Variants in ATP4B observed in about 807,000 individuals in gnomAD.
ATP4B encodes potassium-transporting ATPase subunit beta.
ATP4B carries 27 observed loss-of-function variants against 35.3 expected under a neutral mutation model. That is an observed-to-expected ratio of 0.76 (90% confidence interval 0.56 to 1.05). The LOEUF is 1.05. ATP4B is among the 50% of genes least tolerant of loss of function. The probability of loss-of-function intolerance (pLI) is 0.00; values close to 1 mark genes in which losing one functional copy is unlikely to be tolerated. For synonymous variants in ATP4B, 162 were observed against 156.0 expected (o/e 1.04, Z -0.29); for missense variants, 375 against 384.8 (o/e 0.97, Z 0.21).
Position 113,658,167 on chromosome 13 carries a change from C to A in ATP4B, c.-23G>T. On this transcript the variant is annotated 5_prime_UTR_variant, in exon 1 of 7. Transcript: ENST00000335288. ...CATCGTCCCTGGCCTGAGATCCTCC[C>A]GTCTGCTCCCTGCACCCTCTACGCC... The A allele has an allele frequency of 6.3e-7, 1 of 1,599,360 alleles. No individual in the cohort carries two copies. The highest frequency in any genetic ancestry group is 8.5e-7 in the Non-Finnish European group (1 of 1,172,128).
At chr13:113,651,159 T>C (rs1260478040) in intron 5 of ATP4B, among the ~76,000 whole-genome samples, 1 of 152,008 alleles carries the variant, frequency 6.6e-6, no homozygotes, top group African/African-American at 2.4e-5. Context: ...CCTTTGGGTG[T>C]CATGGTGGAA....
chr13:113,654,757 G>C (rs932017690), intron 2 of ATP4B, 57 bp downstream of exon 2: 2 of 1,584,252 alleles, frequency 1.3e-6, no homozygotes, highest in Admixed American at 3.5e-5. Flanking sequence ...CTCCAGAGCC[G>C]AGGAGGCGGC....
At chr13:113,656,281 C>T (rs1036606394) in intron 1 of ATP4B, among the ~76,000 whole-genome samples, 8 of 152,186 alleles carry the variant, frequency 5.3e-5, no homozygotes, top group East Asian at 1.9e-4. Context: ...GACCTACGCT[C>T]GTGACGGCAG....
chr13:113,649,191 T>G lies in ATP4B; in HGVS notation c.*183A>C, dbSNP rs780185934. 6.9e-5 allele frequency: 39 copies of G among 563,826 alleles called. No individual in the cohort carries two copies. The highest frequency in any genetic ancestry group is 1.1e-4 in the Non-Finnish European group (37 of 337,184). The allele number at this position is 563,826 out of a possible 1,614,324, so 34.9% of individuals were successfully genotyped here. A position where few individuals can be genotyped will look rare whatever the true frequency, so the allele number is the denominator to read the frequency against. On this transcript the variant is annotated 3_prime_UTR_variant, in exon 7 of 7. Transcript: ENST00000335288. This position sits in a 1 kb window ranked among gnomAD's most constrained non-coding sequence, Gnocchi z 4.7. ...CTGTAAGAATTCAACAAGGAAGAAC[T>G]GATACTCGCGAGCAGGTCCTTCAGA...
intron 1 of ATP4B, among the ~76,000 whole-genome samples, chr13:113,655,170 C>A (rs1399718638): frequency 6.6e-6 from 1 of 152,212 alleles, no homozygotes. Flanking sequence ...GTCTGGACGT[C>A]CACATAGGCA....
At position 113,650,573 on chromosome 13, in the gene ATP4B, G is replaced by A. The variant is rs557447475; in HGVS notation, c.613-66C>T. Reference sequence around the variant, plus strand: ...GTGTGTGCCGGTGTCTGTGTGTTGCGTTTGTGTGCGTGTGTGCACACACGC... The same window carrying A: ...GTGTGTGCCGGTGTCTGTGTGTTGCATTTGTGTGCGTGTGTGCACACACGC... On this transcript the variant is annotated intron_variant, in intron 5 of 6. Coordinates refer to ENST00000335288, the MANE Select transcript of ATP4B (RefSeq NM_000705.4). The surrounding 1 kb of genome is among the most constrained non-coding windows in gnomAD (Gnocchi z 5.0). 62 of 1,308,214 alleles carry A rather than the reference G, an allele frequency of 4.7e-5. No individual in the cohort carries two copies. Among genetic ancestry groups the A allele is most frequent in the Admixed American group, 1.8e-4 (9 of 50,518 alleles). 81.0% of individuals were successfully genotyped at this position (1,308,214 alleles called of 1,614,324 possible).
At position 113,649,835 on chromosome 13, in the gene ATP4B, A is replaced by G. The variant is rs1378302867; in HGVS notation, c.715-300T>C. On this transcript the variant is annotated intron_variant, in intron 6 of 6. Transcript: ENST00000335288. The surrounding 1 kb of genome is among the most constrained non-coding windows in gnomAD (Gnocchi z 4.7). The stretch of plus-strand genomic sequence containing the variant: ...ACGTGATGTGGAGGAAAGTCTTCGA[A>G]GTGGATATGCAGTTGTTTTAGAGGA... Among the ~76,000 whole-genome samples the G allele has an allele frequency of 6.6e-6, 1 of 152,192 alleles. No individual in the cohort carries two copies. Among genetic ancestry groups the G allele is most frequent in the Non-Finnish European group, 1.5e-5 (1 of 68,024 alleles).
chr13:113,654,808 G>C lies in ATP4B; in HGVS notation c.241+6C>G. The C allele has an allele frequency of 1.2e-6, 2 of 1,613,376 alleles. No individual in the cohort carries two copies. Among genetic ancestry groups the C allele is most frequent in the South Asian group, 1.1e-5 (1 of 90,940 alleles). ...ACGGCATGGGGGCAACATCCCGGGC[G>C]CTTACCTGGTGACCGTAGCTGGTCT... On this transcript the variant is annotated splice_donor_region_variant and intron_variant, in intron 2 of 6. Coordinates refer to ENST00000335288, the MANE Select transcript of ATP4B (RefSeq NM_000705.4).
intron 2 of ATP4B, among the ~76,000 whole-genome samples, 176 bp downstream of exon 2, chr13:113,654,638 C>T (rs1391734904): frequency 1.3e-5 from 2 of 152,232 alleles, no homozygotes; most frequent in African/African-American, 4.8e-5. Context: ...GGTTCAGGGG[C>T]CAGGGGCTGC....
In ATP4B at chr13:113,656,940, C is replaced by T. The variant is rs539099977; in HGVS notation, c.112+1093G>A. ...TCCCCATCCTGGCCTCCCGCTCTGC[C>T]GCCCCGCCTGGCCCAGGAGGCCCTT... On this transcript the variant is annotated intron_variant, in intron 1 of 6. Transcript: ENST00000335288. 4.0e-3 allele frequency among the ~76,000 whole-genome samples: 603 copies of T among 152,268 alleles called. 1 individual carries two copies. The highest frequency in any genetic ancestry group is 0.014 in the African/African-American group (585 of 41,564).
At position 113,649,620 on chromosome 13, in the gene ATP4B, C is replaced by T; in HGVS notation, c.715-85G>A. Reference sequence around the variant, plus strand: ...AACTAAGCAAGGAAGTGTCAACAGTCAGGTTGGTGCAGAGAAGCAGCTCTT... The same window carrying T: ...AACTAAGCAAGGAAGTGTCAACAGTTAGGTTGGTGCAGAGAAGCAGCTCTT... On this transcript the variant is annotated intron_variant, in intron 6 of 6. Transcript: ENST00000335288. This position sits in a 1 kb window ranked among gnomAD's most constrained non-coding sequence, Gnocchi z 4.7. 7.1e-7 allele frequency: 1 copy of T among 1,401,654 alleles called. No homozygotes were observed. The highest frequency in any genetic ancestry group is 9.4e-7 in the Non-Finnish European group (1 of 1,061,872). The allele number at this position is 1,401,654 out of a possible 1,614,324, so 86.8% of individuals were successfully genotyped here.
At position 113,651,694 on chromosome 13, in the gene ATP4B, G is replaced by A. The variant is rs368921019; in HGVS notation, c.589C>T (p.Pro197Ser). The change falls in exon 5 of 7, where the codon CCC becomes TCC. Residue 197 changes from proline to serine, a missense_variant. Coordinates refer to ENST00000335288, the MANE Select transcript of ATP4B (RefSeq NM_000705.4). ...VKFLPSNGSA[P>S]RVDCAFLDQP... ...ACCAGGAAGGCGCAGTCCACTCTGG[G>A]GGCCGAGCCGTTGCTGGGGAGGAAC... The A allele has an allele frequency of 6.2e-7, 1 of 1,613,684 alleles. No homozygotes were observed.
chr13:113,657,415 C>T (rs576730015), intron 1 of ATP4B, among the ~76,000 whole-genome samples: 22 of 152,354 alleles, frequency 1.4e-4, no homozygotes, highest in South Asian at 8.3e-4. Context: ...TAGACGCAGA[C>T]GCTTCCACCA....
intron 2 of ATP4B, 108 bp from the exon 3 acceptor site, chr13:113,653,542 G>A (rs1202335074): frequency 3.4e-6 from 3 of 884,692 alleles, no homozygotes; most frequent in Non-Finnish European, 5.4e-6. Context: ...CAACCCAGGA[G>A]CCTCCTCGGA....
In ATP4B at chr13:113,649,002, T is replaced by TGGG. The variant is rs113895052; in HGVS notation, c.*369_*371dup. 3.2e-3 allele frequency: 511 copies of TGGG among 161,758 alleles called. 5 individuals are homozygous for TGGG. The highest frequency in any genetic ancestry group is 0.013 in the South Asian group (83 of 6,426). 10.0% of individuals were successfully genotyped at this position (161,758 alleles called of 1,614,324 possible). Reference sequence around the variant, plus strand: ...TGCATTAGTAGTTTTTATATTAATGTGGGGGGGGCAGTTCATATTGAAGTG... The same window carrying TGGG: ...TGCATTAGTAGTTTTTATATTAATGTGGGGGGGGGGGCAGTTCATATTGAAGTG... On this transcript the variant is annotated 3_prime_UTR_variant, in exon 7 of 7. Coordinates refer to ENST00000335288, the MANE Select transcript of ATP4B (RefSeq NM_000705.4). The surrounding 1 kb of genome is among the most constrained non-coding windows in gnomAD (Gnocchi z 4.7).
Position 113,650,498 on chromosome 13 carries a change from G to A in ATP4B, c.622C>T (p.Arg208Cys), listed in dbSNP as rs1163649024. Residue 208 changes from arginine to cysteine, a missense_variant, in exon 6 of 7, where the codon CGC becomes TGC. Coordinates refer to ENST00000335288, the MANE Select transcript of ATP4B (RefSeq NM_000705.4). This position sits in a 1 kb window ranked among gnomAD's most constrained non-coding sequence, Gnocchi z 5.0. ...RVDCAFLDQPRELGQPLQVKY... is the reference protein window; with the variant it reads ...RVDCAFLDQPCELGQPLQVKY... ...ACCTGCAGCGGCTGGCCGAGCTCGC[G>A]GGGCTGGTCCTGGGGAGGAGAGGCC... 8 of 1,612,406 alleles carry A rather than the reference G, an allele frequency of 5.0e-6. No individual in the cohort carries two copies. Among genetic ancestry groups the A allele is most frequent in the Admixed American group, 3.3e-5 (2 of 59,928 alleles).
Position 113,656,058 on chromosome 13 carries a change from C to T in ATP4B, c.113-1116G>A, listed in dbSNP as rs116371261. Among the ~76,000 whole-genome samples, 1,373 of 152,364 alleles carry T rather than the reference C, an allele frequency of 9.0e-3. 21 individuals are homozygous for T. The highest frequency in any genetic ancestry group is 0.031 in the African/African-American group (1,303 of 41,578). On this transcript the variant is annotated intron_variant, in intron 1 of 6. Coordinates refer to ENST00000335288, the MANE Select transcript of ATP4B (RefSeq NM_000705.4). Reference sequence around the variant, plus strand: ...TTTCCCCGCCGGGCGTCCCTGGTGACGGCGTTCTTGTGTGGCCACAGCAGC... The same window carrying T: ...TTTCCCCGCCGGGCGTCCCTGGTGATGGCGTTCTTGTGTGGCCACAGCAGC...
rs142240020 is a variant in ATP4B at position 113,649,848 on chromosome 13, T to A, written c.715-313A>T. 2.1e-3 allele frequency among the ~76,000 whole-genome samples: 316 copies of A among 152,124 alleles called. No individual in the cohort carries two copies. The Middle Eastern group carries it at 0.024, about 11-fold the overall frequency. On this transcript the variant is annotated intron_variant, in intron 6 of 6. Transcript: ENST00000335288. This position sits in a 1 kb window ranked among gnomAD's most constrained non-coding sequence, Gnocchi z 4.7. The stretch of plus-strand genomic sequence containing the variant: ...GAAAGTCTTCGAAGTGGATATGCAG[T>A]TGTTTTAGAGGATCTGGGAAGTAGA...
chr13:113,652,438 T>A (rs1018354260), intron 4 of ATP4B, among the ~76,000 whole-genome samples: 2 of 152,224 alleles, frequency 1.3e-5, no homozygotes, highest in Non-Finnish European at 2.9e-5. Flanking sequence ...GGACCTGCCC[T>A]GCTCGAGCCT....
Sources: gnomAD v4.1 joint callset for allele counts (sites outside exome capture counted in the v4.1 genomes callset) on GRCh38, gnomAD v4.1.1 for gene constraint, Gnocchi (gnomAD v3.1) non-coding constraint, MANE v1.5 for transcripts, NCBI Gene and HGNC (gene_info 2026-07-23, HGNC 2026-07-21) for gene names.